Variants in DNMBP observed in about 807,000 individuals in gnomAD.
DNMBP encodes dynamin binding protein.
Under a neutral mutation model 150.0 loss-of-function variants are expected in DNMBP, and 87 were observed. The ratio of observed to expected loss-of-function variants is 0.58; its 90% CI spans 0.49 to 0.69. The LOEUF (loss-of-function observed/expected upper bound fraction) is 0.69. Ranked by LOEUF, DNMBP falls within the 30% of genes least tolerant of loss-of-function variation. The pLI is 0.00. For synonymous variants in DNMBP, 711 were observed against 750.4 expected (o/e 0.95, Z 0.86); for missense variants, 1,774 against 1,949.0 (o/e 0.91, Z 1.69).
At chr10:99,928,838 T>TA (rs58787297) in intron 4 of DNMBP, among the ~76,000 whole-genome samples, 11,692 of 145,836 alleles carry the variant, frequency 0.08, 732 homozygotes, top group African/African-American at 0.18. Context: ...AAAGGAGCGG[T>TA]AAAAAAAAAA....
chr10:99,985,178 G>C (rs1331611517), intron 1 of DNMBP, among the ~76,000 whole-genome samples: 1 of 152,176 alleles, frequency 6.6e-6, no homozygotes, highest in African/African-American at 2.4e-5. Context: ...AAATAGCTAA[G>C]ATCATTAGCA....
intron 13 of DNMBP, 101 bp downstream of exon 13, chr10:99,886,199 T>C (rs367647533): frequency 3.1e-6 from 3 of 977,932 alleles, no homozygotes; most frequent in East Asian, 2.5e-5. Context: ...ATTCAGTTTA[T>C]CTAATTCAGA....
rs1340460015 is a variant in DNMBP, at chr10:99,893,622, G to A, written c.3156+1324C>T. ...GGTGGTGTACGCCTCAGCTACTTGG[G>A]AGGCTGAGGCAGGAGAACCACTTGA... On this transcript the variant is annotated intron_variant, in intron 11 of 16. Transcript: ENST00000324109. Among the ~76,000 whole-genome samples, 4 of 152,298 alleles carry A rather than the reference G, an allele frequency of 2.6e-5. No individual in the cohort carries two copies. The East Asian group carries it at 7.7e-4, about 29-fold the overall frequency.
In DNMBP at chr10:99,879,902, CTT is replaced by C; in HGVS notation, c.4455_4456del (p.Gln1487ArgfsTer24). The C allele has an allele frequency of 6.2e-7, 1 of 1,614,242 alleles. No homozygotes were observed. The highest frequency in any genetic ancestry group is 8.5e-7 in the Non-Finnish European group (1 of 1,180,046). On this transcript the variant is annotated frameshift_variant, in exon 16 of 17. Coordinates refer to ENST00000324109, the MANE Select transcript of DNMBP (RefSeq NM_015221.4). LOFTEE classifies it high-confidence loss of function. ...TGCACATCCTTTGACGAGGTCTTGA[CTT>C]TGCCCATTTCGTCCTGGTACGGAGT...
At chr10:99,892,401 T>C (rs1224105034) in intron 11 of DNMBP, among the ~76,000 whole-genome samples, 1 of 140,780 alleles carries the variant, frequency 7.1e-6, no homozygotes, top group Non-Finnish European at 1.5e-5. Context: ...CTTTTCATTT[T>C]GTTCTGCACT....
chr10:99,914,740 G>A (rs867650809), intron 4 of DNMBP, among the ~76,000 whole-genome samples: 4 of 152,130 alleles, frequency 2.6e-5, no homozygotes, highest in Admixed American at 2.0e-4. Context: ...AATGGAGAAC[G>A]GGGAAAAGAG....
intron 1 of DNMBP, among the ~76,000 whole-genome samples, chr10:99,992,207 T>C (rs539756604): frequency 6.6e-5 from 10 of 152,026 alleles, no homozygotes; most frequent in African/African-American, 2.4e-4. Flanking sequence ...ACCACTGCAC[T>C]CCAGCCTGGG....
intron 1 of DNMBP, among the ~76,000 whole-genome samples, chr10:99,986,884 G>A (rs1254199272): frequency 2.0e-5 from 3 of 152,150 alleles, no homozygotes; most frequent in Admixed American, 6.5e-5. Context: ...GGCCGGGCAC[G>A]TGGCTCACAC....
chr10:99,957,114 A>C lies in DNMBP; in HGVS notation c.360T>G (p.Cys120Trp), dbSNP rs1381596489. 6.2e-7 allele frequency: 1 copy of C among 1,613,818 alleles called. No homozygotes were observed. Among genetic ancestry groups the C allele is most frequent in the Non-Finnish European group, 8.5e-7 (1 of 1,180,028 alleles). ...GTGAGGAGAGGCAGAGCTCGCGGAC[A>C]CATGAAGATGGGAAGAAGCCCCGTG... ...WGARGFFPSSCVRELCLSSQS... is the reference protein window; with the variant it reads ...WGARGFFPSSWVRELCLSSQS... Residue 120 changes from cysteine (C) to tryptophan (W), a missense_variant, in exon 4 of 17, where the codon TGT becomes TGG. This residue lies in a region of DNMBP where 344 missense variants were observed against 456.6 expected (regional missense o/e 0.75). Coordinates refer to ENST00000324109, the MANE Select transcript of DNMBP (RefSeq NM_015221.4).
chr10:99,896,467 G>A, intron 9 of DNMBP, 70 bp from the exon 10 acceptor site: 7 of 1,499,768 alleles, frequency 4.7e-6, no homozygotes, highest in Non-Finnish European at 5.6e-6. Context: ...AAAATGAGAT[G>A]AACACCCAAA....
intron 4 of DNMBP, among the ~76,000 whole-genome samples, chr10:99,935,985 C>T (rs2040226200): frequency 1.3e-5 from 2 of 152,116 alleles, no homozygotes; most frequent in Admixed American, 1.3e-4. Flanking sequence ...CTACCCAGAT[C>T]TTATTTTACC....
At chr10:99,890,778 C>T (rs2039544706) in intron 11 of DNMBP, among the ~76,000 whole-genome samples, 1 of 152,216 alleles carries the variant, frequency 6.6e-6, no homozygotes, top group African/African-American at 2.4e-5. Flanking sequence ...TCCTGAGTAG[C>T]TGGGATTACA....
chr10:99,906,630 A>G (rs1040835699), intron 6 of DNMBP, among the ~76,000 whole-genome samples: 2 of 152,008 alleles, frequency 1.3e-5, no homozygotes, highest in African/African-American at 4.8e-5. Flanking sequence ...GTGACTCATG[A>G]CTCATGCCAC....
intron 1 of DNMBP, among the ~76,000 whole-genome samples, chr10:100,005,778 A>AAAC (rs1554876025): frequency 0.016 from 2,006 of 128,972 alleles, 45 homozygotes; most frequent in Non-Finnish European, 0.018. Context: ...AAAAAAAAAA[A>AAAC]AAAAAACCAA....
At position 99,876,071 on chromosome 10, in the gene DNMBP, A is replaced by C. The variant is rs1484964770; in HGVS notation, c.*1080T>G. The C allele has an allele frequency of 6.6e-6, 1 of 152,226 alleles. No homozygotes were observed. The highest frequency in any genetic ancestry group is 1.9e-4 in the East Asian group (1 of 5,206). 9.4% of individuals were successfully genotyped at this position (152,226 alleles called of 1,614,324 possible). A position where few individuals can be genotyped will look rare whatever the true frequency, so the allele number is the denominator to read the frequency against. ...TATGTTGTCTGCATCTATGGATGTA[A>C]CTAAACAGTCATTAGGGTGCTTGGA... On this transcript the variant is annotated 3_prime_UTR_variant, in exon 17 of 17. Coordinates refer to ENST00000324109, the MANE Select transcript of DNMBP (RefSeq NM_015221.4).
chr10:99,960,282 TTTTA>T (rs1158461220), intron 3 of DNMBP, among the ~76,000 whole-genome samples: 2 of 152,196 alleles, frequency 1.3e-5, no homozygotes, highest in African/African-American at 4.8e-5. Flanking sequence ...AGATTATCTA[TTTTA>T]ATCTTACAGT....
At chr10:100,001,400 T>C in intron 1 of DNMBP, among the ~76,000 whole-genome samples, 1 of 116,212 alleles carries the variant, frequency 8.6e-6, no homozygotes, top group Non-Finnish European at 1.7e-5. Flanking sequence ...TGTGATGGGG[T>C]TTTGTTGTTG....
intron 6 of DNMBP, among the ~76,000 whole-genome samples, chr10:99,904,779 A>T (rs2039800947): frequency 6.6e-6 from 1 of 152,212 alleles, no homozygotes; most frequent in African/African-American, 2.4e-5. Context: ...AGGGAAGAAG[A>T]AAAAATAAAT....
In DNMBP at chr10:99,880,282, G is replaced by C. The variant is rs2039346156; in HGVS notation, c.4077C>G (p.Ser1359Arg). 6.2e-7 allele frequency: 1 copy of C among 1,613,918 alleles called. No individual in the cohort carries two copies. The highest frequency in any genetic ancestry group is 8.5e-7 in the Non-Finnish European group (1 of 1,179,986). The change falls in exon 16 of 17, where the codon AGC becomes AGG. Residue 1359 changes from serine to arginine, a missense_variant. Transcript: ENST00000324109. ...CGTGCTCAGACTCTGTGGAGGAGTG[G>C]CTACCCACGGAGGCATCGGAGTGGC... ...RRSHSDASVG[S>R]HSSTESEHGS...
Sources: gnomAD v4.1 joint callset for allele counts (sites outside exome capture counted in the v4.1 genomes callset) on GRCh38, gnomAD v4.1.1 for gene constraint, gnomAD v4.1.1 regional missense constraint, MANE v1.5 for transcripts, NCBI Gene and HGNC (gene_info 2026-07-23, HGNC 2026-07-21) for gene names.